The following ASAP1 variants were observed in gnomAD, a reference collection of about 807,000 sequenced individuals.
The protein encoded by ASAP1 is ArfGAP with SH3 domain, ankyrin repeat and PH domain 1.
Under a neutral mutation model 145.2 loss-of-function variants are expected in ASAP1, and 43 were observed. The ratio of observed to expected loss-of-function variants is 0.30; its 90% CI spans 0.23 to 0.38. ASAP1 has a LOEUF of 0.38. Ranked by LOEUF, ASAP1 falls within the 10% of genes least tolerant of loss-of-function variation. The pLI, the probability that ASAP1 is intolerant of heterozygous loss-of-function variation, is 1.00. For missense variants in ASAP1, 1,018 were observed against 1,355.3 expected, an observed-to-expected ratio of 0.75 and a Z score of 3.91; for synonymous variants, 546 against 515.5, an observed-to-expected ratio of 1.06 and a Z score of -0.80.
chr8:130,326,913 C>G (rs1824371689), intron 3 of ASAP1, among the ~76,000 whole-genome samples: 1 of 152,154 alleles, frequency 6.6e-6, no homozygotes, highest in South Asian at 2.1e-4. Flanking sequence ...TTAATTTAGC[C>G]TTTCAGATTC....
chr8:130,344,410 G>T (rs543593131), intron 3 of ASAP1, among the ~76,000 whole-genome samples: 1 of 152,022 alleles, frequency 6.6e-6, no homozygotes, highest in Non-Finnish European at 1.5e-5. Flanking sequence ...TCTTTTAGAA[G>T]TACATACTGA....
rs193059457 is a variant in ASAP1 at position 130,304,061 on chromosome 8, C to T, written c.186+53956G>A. On this transcript the variant is annotated intron_variant, in intron 3 of 29. Coordinates refer to ENST00000518721, the MANE Select transcript of ASAP1 (RefSeq NM_018482.4). ...CAGTGGCAATGGTAGCAAAATGAGACGGTACATAAGAACTCTGGACTTTTG... is the reference window on the plus strand; with the variant it reads ...CAGTGGCAATGGTAGCAAAATGAGATGGTACATAAGAACTCTGGACTTTTG... Among the ~76,000 whole-genome samples, 12 of 151,846 alleles carry T rather than the reference C, an allele frequency of 7.9e-5. No individual in the cohort carries two copies. The East Asian group carries it at 1.9e-3, about 24-fold the overall frequency.
chr8:130,203,646 G>A lies in ASAP1; in HGVS notation c.405+10910C>T, dbSNP rs149238444. Among the ~76,000 whole-genome samples, 40 of 152,308 alleles carry A rather than the reference G, an allele frequency of 2.6e-4. No individual in the cohort carries two copies. The East Asian group carries it at 7.1e-3, about 27-fold the overall frequency. ...AAAGGTTATGCCTGGGATGGAAAAT[G>A]GGAAATCAAGGAATAGTGGAAGGGA... On this transcript the variant is annotated intron_variant, in intron 5 of 29. Transcript: ENST00000518721.
chr8:130,273,291 TCTTTC>T (rs556121037), intron 3 of ASAP1, among the ~76,000 whole-genome samples: 134 of 152,236 alleles, frequency 8.8e-4, no homozygotes, highest in African/African-American at 2.9e-3. Context: ...ATGCTAAATC[TCTTTC>T]CTTTCTGAGG....
chr8:130,199,352 G>T (rs1815716689), intron 5 of ASAP1, among the ~76,000 whole-genome samples: 1 of 152,200 alleles, frequency 6.6e-6, no homozygotes, highest in South Asian at 2.1e-4. Flanking sequence ...CAGAAGGACT[G>T]CTCTGAAACA....
chr8:130,244,129 C>T (rs769711809), intron 3 of ASAP1, among the ~76,000 whole-genome samples: 2 of 152,178 alleles, frequency 1.3e-5, no homozygotes, highest in Non-Finnish European at 2.9e-5. Context: ...CAGATCCAGA[C>T]TAAAAGGCCC....
At chr8:130,406,719 G>A (rs1375599388) in intron 1 of ASAP1, among the ~76,000 whole-genome samples, 1 of 152,086 alleles carries the variant, frequency 6.6e-6, no homozygotes, top group Non-Finnish European at 1.5e-5. Context: ...CTGACCTCAG[G>A]TGATCCACCT....
intron 5 of ASAP1, among the ~76,000 whole-genome samples, chr8:130,200,553 A>C (rs1815802739): frequency 6.6e-6 from 1 of 152,220 alleles, no homozygotes; most frequent in Non-Finnish European, 1.5e-5. Flanking sequence ...CCAATGTTAA[A>C]AAAATTATAT....
At chr8:130,308,908 G>T (rs1823156131) in intron 3 of ASAP1, among the ~76,000 whole-genome samples, 3 of 152,174 alleles carry the variant, frequency 2.0e-5, no homozygotes, top group Admixed American at 6.5e-5. Flanking sequence ...TGGGCACGGT[G>T]GTGTGCGCCT....
intron 3 of ASAP1, among the ~76,000 whole-genome samples, chr8:130,281,648 T>C (rs1041808374): frequency 1.3e-5 from 2 of 152,236 alleles, no homozygotes; most frequent in Admixed American, 6.5e-5. Context: ...AACATATCTA[T>C]ATGGTGATAT....
chr8:130,378,825 C>T (rs1827628171), intron 2 of ASAP1, among the ~76,000 whole-genome samples: 1 of 152,198 alleles, frequency 6.6e-6, no homozygotes, highest in African/African-American at 2.4e-5. Context: ...CTCCCTACTT[C>T]CTTCCAATAA....
At chr8:130,368,223 A>G (rs1169243159) in intron 2 of ASAP1, among the ~76,000 whole-genome samples, 1 of 152,238 alleles carries the variant, frequency 6.6e-6, no homozygotes, top group Non-Finnish European at 1.5e-5. Context: ...TGCTATATTT[A>G]CATAGACAGC....
At chr8:130,404,061 A>T (rs984177105) in intron 1 of ASAP1, among the ~76,000 whole-genome samples, 1 of 152,184 alleles carries the variant, frequency 6.6e-6, no homozygotes, top group African/African-American at 2.4e-5. Flanking sequence ...ATTATGTTTC[A>T]ACGTGAAGAC....
intron 25 of ASAP1, among the ~76,000 whole-genome samples, chr8:130,081,561 C>T (rs1043190052): frequency 4.1e-5 from 6 of 144,936 alleles, no homozygotes; most frequent in Non-Finnish European, 6.0e-5. Context: ...GGCTGAGCAC[C>T]AGGAGGGCAG....
At chr8:130,167,314 G>GAA (rs78363913) in intron 11 of ASAP1, 31 of 509,918 alleles carry the variant, frequency 6.1e-5, no homozygotes, top group Non-Finnish European at 7.1e-5. Flanking sequence ...AAAGAAAAAA[G>GAA]AAAAAAAAAA....
At chr8:130,085,735 TAAGAAAAAAA>T (rs2097491399) in intron 25 of ASAP1, among the ~76,000 whole-genome samples, 1 of 125,312 alleles carries the variant, frequency 8.0e-6, no homozygotes, top group Admixed American at 8.2e-5. Flanking sequence ...ACGTTGTCTT[TAAGAAAAAAA>T]AAAAAAAAAA....
chr8:130,400,517 G>A (rs985844083), intron 2 of ASAP1, among the ~76,000 whole-genome samples: 35 of 151,588 alleles, frequency 2.3e-4, no homozygotes, highest in African/African-American at 7.3e-4. Flanking sequence ...AGGTGGGCAC[G>A]GTGGCTCACG....
At chr8:130,282,188 C>T (rs1019308714) in intron 3 of ASAP1, among the ~76,000 whole-genome samples, 29 of 152,146 alleles carry the variant, frequency 1.9e-4, no homozygotes, top group African/African-American at 7.0e-4. Context: ...TTTAATCACA[C>T]TGTCAAAGCA....
chr8:130,078,772 G>GAGA (rs2097470879), intron 26 of ASAP1, among the ~76,000 whole-genome samples: 1 of 151,232 alleles, frequency 6.6e-6, no homozygotes, highest in African/African-American at 2.4e-5. Context: ...AAGTAGGCTG[G>GAGA]AGAGCTGGCT....
Sources: allele counts gnomAD v4.1 joint callset (sites outside exome capture counted in the v4.1 genomes callset), GRCh38; gene constraint gnomAD v4.1.1; transcripts MANE v1.5; gene names NCBI Gene and HGNC (gene_info 2026-07-23, HGNC 2026-07-21).